Variants in COL23A1 observed in about 807,000 individuals in gnomAD.
COL23A1 encodes collagen alpha-1(XXIII) chain.
A neutral mutation model predicts 99.3 loss-of-function variants in COL23A1; 97 were observed. The observed-to-expected ratio is 0.98, with a 90% confidence interval of 0.83 to 1.16. COL23A1 has a LOEUF of 1.16. Ranked by LOEUF, COL23A1 falls within the 50% of genes most tolerant of loss-of-function variation. The pLI is 0.00. For missense variants in COL23A1, 762 were observed against 757.4 expected, an observed-to-expected ratio of 1.01 and a Z score of -0.07; for synonymous variants, 320 against 308.2, an observed-to-expected ratio of 1.04 and a Z score of -0.40.
intron 2 of COL23A1, among the ~76,000 whole-genome samples, chr5:178,316,200 T>A (rs546566883): frequency 2.0e-5 from 3 of 152,334 alleles, no homozygotes; most frequent in Admixed American, 6.5e-5. Flanking sequence ...TCTTAGATAT[T>A]TACTTCTAGA....
intron 2 of COL23A1, among the ~76,000 whole-genome samples, chr5:178,495,166 T>TGCTCCCTGCACTGCAG (rs1233492873): frequency 1.3e-5 from 2 of 152,196 alleles, no homozygotes; most frequent in Non-Finnish European, 2.9e-5. Flanking sequence ...CATGAAGCTG[T>TGCTCCCTGCACTGCAG]GCTCCCTGCA....
chr5:178,305,817 G>A (rs570195457), intron 3 of COL23A1, among the ~76,000 whole-genome samples: 119 of 152,208 alleles, frequency 7.8e-4, no homozygotes, highest in African/African-American at 2.4e-3. Flanking sequence ...ACATGGGTCC[G>A]AGACATGGAG....
At chr5:178,398,880 T>A (rs1764289468) in intron 2 of COL23A1, among the ~76,000 whole-genome samples, 2 of 152,216 alleles carry the variant, frequency 1.3e-5, no homozygotes, top group African/African-American at 4.8e-5. Context: ...CTTAGCGTTT[T>A]CTTCTTTGCA....
chr5:178,252,487 G>A, intron 17 of COL23A1, 57 bp downstream of exon 17: 1 of 1,501,916 alleles, frequency 6.7e-7, no homozygotes, highest in Non-Finnish European at 9.2e-7. Flanking sequence ...ACAGGAAGAG[G>A]GAGGTGGGCC....
At chr5:178,289,678 T>G (rs993595311) in intron 4 of COL23A1, among the ~76,000 whole-genome samples, 1 of 152,182 alleles carries the variant, frequency 6.6e-6, no homozygotes, top group Non-Finnish European at 1.5e-5. Context: ...ACTGAAGCAT[T>G]TAGAAACGTC....
intron 2 of COL23A1, among the ~76,000 whole-genome samples, chr5:178,386,209 C>T (rs570562025): frequency 1.3e-5 from 2 of 152,250 alleles, no homozygotes; most frequent in African/African-American, 4.8e-5. Flanking sequence ...GAGGCTAAGG[C>T]GGGTGGATTG....
At chr5:178,327,002 G>A (rs1187686909) in intron 2 of COL23A1, among the ~76,000 whole-genome samples, 4 of 152,276 alleles carry the variant, frequency 2.6e-5, no homozygotes, top group East Asian at 1.9e-4. Flanking sequence ...ACAGGCGTGA[G>A]CCACTGCACC....
intron 2 of COL23A1, among the ~76,000 whole-genome samples, chr5:178,497,002 T>C (rs894961373): frequency 2.6e-5 from 4 of 152,196 alleles, no homozygotes; most frequent in Admixed American, 2.0e-4. Context: ...CTGAGACACA[T>C]TGTCTTAAGC....
At chr5:178,498,306 AT>A (rs1416298052) in intron 2 of COL23A1, among the ~76,000 whole-genome samples, 1 of 147,026 alleles carries the variant, frequency 6.8e-6, no homozygotes, top group African/African-American at 2.5e-5. Flanking sequence ...AAAGAAACAC[AT>A]TTTACCTTTA....
At chr5:178,498,023 C>A (rs1479727669) in intron 2 of COL23A1, among the ~76,000 whole-genome samples, 1 of 150,936 alleles carries the variant, frequency 6.6e-6, no homozygotes, top group East Asian at 1.9e-4. Flanking sequence ...GAAATCAACA[C>A]CTATGTACAA....
chr5:178,256,402 G>A lies in COL23A1; in HGVS notation c.838-5C>T. 1 of 1,606,034 alleles carries A rather than the reference G, an allele frequency of 6.2e-7. No homozygotes were observed. The highest frequency in any genetic ancestry group is 8.5e-7 in the Non-Finnish European group (1 of 1,175,664). On this transcript the variant is annotated splice_region_variant and splice_polypyrimidine_tract_variant and intron_variant, in intron 14 of 28. Transcript: ENST00000390654. ...GCCTCGGTGGCCAGGCTCCCCCTGTGGAGACATGCATTTGCAGCCAGAGGT... is the reference window on the plus strand; with the variant it reads ...GCCTCGGTGGCCAGGCTCCCCCTGTAGAGACATGCATTTGCAGCCAGAGGT...
chr5:178,265,487 G>A (rs1004744492), intron 8 of COL23A1, among the ~76,000 whole-genome samples: 1 of 152,172 alleles, frequency 6.6e-6, no homozygotes, highest in African/African-American at 2.4e-5. Context: ...CAGAAAATGG[G>A]CCTGACACTG....
chr5:178,560,240 G>T (rs544832079), intron 2 of COL23A1, among the ~76,000 whole-genome samples: 1 of 152,100 alleles, frequency 6.6e-6, no homozygotes, highest in African/African-American at 2.4e-5. Flanking sequence ...TGCCTCCACC[G>T]CAAGAAATGA....
chr5:178,564,131 C>T lies in COL23A1; in HGVS notation c.295-3383G>A, dbSNP rs146953841. ...GGATTTTATCAACACTGATAGGAAA[C>T]ACAGTTACTTTTGAGCTACTCTCAC... On this transcript the variant is annotated intron_variant, in intron 1 of 28. Transcript: ENST00000390654. Among the ~76,000 whole-genome samples the T allele has an allele frequency of 3.3e-3, 510 of 152,350 alleles. 5 individuals carry two copies. The highest frequency in any genetic ancestry group is 0.011 in the African/African-American group (468 of 41,580).
chr5:178,312,121 T>C (rs2913770), intron 2 of COL23A1, among the ~76,000 whole-genome samples: 118,236 of 152,092 alleles, frequency 0.78, 46,504 homozygotes, highest in Non-Finnish European at 0.84. Flanking sequence ...TTCGAGGTGC[T>C]GAGACGCCGA....
chr5:178,576,620 A>G (rs1289226161), intron 1 of COL23A1, among the ~76,000 whole-genome samples: 3 of 152,080 alleles, frequency 2.0e-5, no homozygotes, highest in South Asian at 2.1e-4. Context: ...AGACCCATCC[A>G]GGCGGTAGGA....
chr5:178,324,061 C>T (rs1759498905), intron 2 of COL23A1, among the ~76,000 whole-genome samples: 1 of 152,040 alleles, frequency 6.6e-6, no homozygotes, highest in African/African-American at 2.4e-5. Context: ...GTCAGAGGTC[C>T]CTGGGCGGCC....
Position 178,394,913 on chromosome 5 carries a change from C to A in COL23A1, c.362-87994G>T, listed in dbSNP as rs368148997. 1.5e-4 allele frequency among the ~76,000 whole-genome samples: 22 copies of A among 147,436 alleles called. No individual in the cohort carries two copies. In the East Asian group the frequency reaches 4.5e-3, roughly 30 times the overall value. On this transcript the variant is annotated intron_variant, in intron 2 of 28. Transcript: ENST00000390654. ...CCCCGGCTGTCCTCCGAGAGTCTCT[C>A]CCCGGCGGGCAGGCGCTCTGGGCAT...
chr5:178,336,437 G>T (rs1760320796), intron 2 of COL23A1, among the ~76,000 whole-genome samples: 1 of 152,236 alleles, frequency 6.6e-6, no homozygotes, highest in Admixed American at 6.5e-5. Context: ...TACATGCTAT[G>T]ACATGGATAA....
Sources: gnomAD v4.1 joint callset for allele counts (sites outside exome capture counted in the v4.1 genomes callset) on GRCh38, gnomAD v4.1.1 for gene constraint, MANE v1.5 for transcripts, NCBI Gene and HGNC (gene_info 2026-07-23, HGNC 2026-07-21) for gene names.